The following FICD variants were observed in gnomAD, a reference collection of about 807,000 sequenced individuals.
FICD encodes the protein FIC domain protein adenylyltransferase, also known as protein adenylyltransferase FICD.
A neutral mutation model predicts 28.0 loss-of-function variants in FICD; 13 were observed. The observed-to-expected ratio is 0.46, with a 90% CI of 0.30 to 0.74. The LOEUF (loss-of-function observed/expected upper bound fraction) is 0.74. Among genes scored for constraint, FICD ranks in the 30% least tolerant of loss-of-function variants. The pLI is 0.07. For missense variants in FICD, 576 were observed against 624.5 expected, an observed-to-expected ratio of 0.92 and a Z score of 0.83; for synonymous variants, 268 against 266.4, an observed-to-expected ratio of 1.01 and a Z score of -0.06.
At position 108,518,260 on chromosome 12, in the gene FICD, G is replaced by A. The variant is rs1433004653; in HGVS notation, c.302-140G>A. 2 of 740,156 alleles carry A rather than the reference G, an allele frequency of 2.7e-6. No homozygotes were observed. Among genetic ancestry groups the A allele is most frequent in the Non-Finnish European group, 4.8e-6 (2 of 417,646 alleles). 45.8% of individuals were successfully genotyped at this position (740,156 alleles called of 1,614,324 possible). On this transcript the variant is annotated intron_variant, in intron 2 of 2. Transcript: ENST00000552695. The surrounding 1 kb of genome is among the most constrained non-coding windows in gnomAD (Gnocchi z 4.4). ...GGGCATGTTGAGTACACACGATGCG[G>A]CTGCAACAAGCTCCTCAAGGCCAGG...
chr12:108,518,393 C>G lies in FICD; in HGVS notation c.302-7C>G. 1.2e-6 allele frequency: 2 copies of G among 1,613,296 alleles called. No individual in the cohort carries two copies. The highest frequency in any genetic ancestry group is 1.7e-6 in the Non-Finnish European group (2 of 1,179,330). ...TCCCTCACAGCGCTTCTTTGGCTCT[C>G]TTCCAGCGGGTAAGTTGGAAGCCAG... On this transcript the variant is annotated splice_polypyrimidine_tract_variant and splice_region_variant and intron_variant, in intron 2 of 2. Transcript: ENST00000552695. The surrounding 1 kb of genome is among the most constrained non-coding windows in gnomAD (Gnocchi z 4.4).
rs1212652060 is a variant in FICD, at chr12:108,515,291, A to AGGACCCGGGAGCCGGC, written c.-126_-111dup. ...CGGGGCCAGAGGCCGGCGGAGAAGG[A>AGGACCCGGGAGCCGGC]GGACCCGGGAGCCGGCGGCCCGGAG... On this transcript the variant is annotated 5_prime_UTR_variant, in exon 1 of 3. Coordinates refer to ENST00000552695, the MANE Select transcript of FICD (RefSeq NM_007076.3). The AGGACCCGGGAGCCGGC allele has an allele frequency of 2.0e-5, 3 of 152,484 alleles. No homozygotes were observed. The highest frequency in any genetic ancestry group is 4.8e-5 in the African/African-American group (2 of 41,454). The allele number at this position is 152,484 out of a possible 1,614,324, so 9.4% of individuals were successfully genotyped here. A position where few individuals can be genotyped will look rare whatever the true frequency, so the allele number is the denominator to read the frequency against.
intron 1 of FICD, 85 bp downstream of exon 1, chr12:108,515,446 G>A (rs1871882624): frequency 6.6e-6 from 1 of 152,482 alleles, no homozygotes; most frequent in African/African-American, 2.4e-5. Context: ...CGGGGTTCGG[G>A]AAGGGAGGCT....
At chr12:108,517,524 G>A (rs1871947323) in intron 2 of FICD, 2 of 418,032 alleles carry the variant, frequency 4.8e-6, no homozygotes, top group Admixed American at 4.1e-5. Flanking sequence ...TGTTAAGTAG[G>A]AGTCATCCAG....
At position 108,518,865 on chromosome 12, in the gene FICD, A is replaced by G. The variant is rs1872007384; in HGVS notation, c.767A>G (p.Lys256Arg). 1 of 1,614,200 alleles carries G rather than the reference A, an allele frequency of 6.2e-7. No individual in the cohort carries two copies. The highest frequency in any genetic ancestry group is 8.5e-7 in the Non-Finnish European group (1 of 1,180,036). ...GAGACCCGCTACGCCGTGCCCGGGAAGAGCCTGGAGGAGCAGAACGAGGTC... is the reference window on the plus strand; with the variant it reads ...GAGACCCGCTACGCCGTGCCCGGGAGGAGCCTGGAGGAGCAGAACGAGGTC... Reference protein sequence around the residue: ...ILETRYAVPGKSLEEQNEVIG... With the variant: ...ILETRYAVPGRSLEEQNEVIG... Residue 256 changes from lysine (K) to arginine (R), a missense_variant, in exon 3 of 3, where the codon AAG (lysine) becomes AGG (arginine). Coordinates refer to ENST00000552695, the MANE Select transcript of FICD (RefSeq NM_007076.3). This position sits in a 1 kb window ranked among gnomAD's most constrained non-coding sequence, Gnocchi z 4.4.
rs899391192 is a variant in FICD at position 108,517,056 on chromosome 12, G to T, written c.84G>T (p.Thr28=). 3.8e-6 allele frequency: 6 copies of T among 1,597,218 alleles called. No individual in the cohort carries two copies. In the African/African-American group the frequency reaches 6.7e-5, roughly 18 times the overall value. ...VSVWSRFLWV[T]LLSMVLGSLL... Reference sequence around the variant, plus strand: ...TCTGGAGCCGCTTCCTCTGGGTGACGCTGCTGAGCATGGTGCTGGGGTCCC... The same window carrying T: ...TCTGGAGCCGCTTCCTCTGGGTGACTCTGCTGAGCATGGTGCTGGGGTCCC... Residue 28 remains threonine (T), a synonymous_variant, in exon 2 of 3, where the codon ACG becomes ACT. Transcript: ENST00000552695.
In FICD at chr12:108,517,288, C is replaced by T. The variant is rs1325782435; in HGVS notation, c.301+15C>T. ...GGCCTCTCCAGGTAAGACAGACTGG[C>T]CGTCTTCCTCAATGCTTGTTAACTG... On this transcript the variant is annotated intron_variant, in intron 2 of 2. Transcript: ENST00000552695. 6.7e-7 allele frequency: 1 copy of T among 1,488,742 alleles called. No homozygotes were observed. Among genetic ancestry groups the T allele is most frequent in the South Asian group, 1.4e-5 (1 of 73,886 alleles). The allele number at this position is 1,488,742 out of a possible 1,614,324, so 92.2% of individuals were successfully genotyped here.
Position 108,518,781 on chromosome 12 carries a change from A to ACCAC in FICD, c.684_687dup (p.Thr230ProfsTer130), listed in dbSNP as rs1000962338. 1 of 1,614,144 alleles carries ACCAC rather than the reference A, an allele frequency of 6.2e-7. No individual in the cohort carries two copies. Among genetic ancestry groups the ACCAC allele is most frequent in the Non-Finnish European group, 8.5e-7 (1 of 1,180,016 alleles). ...GAGGAGACCTACTACCATCACATCT[A>ACCAC]CCACACAGTGGCCATCGAGGGCAAC... is the stretch of plus-strand genomic sequence containing the variant. On this transcript the variant is annotated frameshift_variant, in exon 3 of 3. Transcript: ENST00000552695. LOFTEE classifies it high-confidence loss of function. This position sits in a 1 kb window ranked among gnomAD's most constrained non-coding sequence, Gnocchi z 4.4.
intron 2 of FICD, 23 bp downstream of exon 2, chr12:108,517,296 C>T: frequency 6.8e-7 from 1 of 1,478,478 alleles, no homozygotes; most frequent in Non-Finnish European, 9.0e-7. Context: ...GGCCGTCTTC[C>T]TCAATGCTTG....
chr12:108,516,084 A>G (rs1003392665), intron 1 of FICD, among the ~76,000 whole-genome samples: 1 of 152,192 alleles, frequency 6.6e-6, no homozygotes, highest in Non-Finnish European at 1.5e-5. Flanking sequence ...TATTGTTAGC[A>G]TAGTGTTTGC....
intron 2 of FICD, 104 bp downstream of exon 2, chr12:108,517,377 A>T (rs1406153306): frequency 1.1e-6 from 1 of 942,258 alleles, no homozygotes; most frequent in East Asian, 2.9e-5. Context: ...TGAACAAGTC[A>T]GCCCTGAGCT....
chr12:108,520,236 TA>T lies in FICD; in HGVS notation c.*762del, dbSNP rs1565853652. The T allele has an allele frequency of 6.6e-6, 1 of 152,146 alleles. No individual in the cohort carries two copies. The highest frequency in any genetic ancestry group is 1.5e-5 in the Non-Finnish European group (1 of 68,038). 9.4% of individuals were successfully genotyped at this position (152,146 alleles called of 1,614,324 possible). On this transcript the variant is annotated 3_prime_UTR_variant, in exon 3 of 3. Transcript: ENST00000552695. ...CCGCGTTTCTCTCACACTTCATTTG[TA>T]GCAACTCAGGCCAGATGTTTTCGTC... is the stretch of plus-strand genomic sequence containing the variant.
intron 2 of FICD, 155 bp downstream of exon 2, chr12:108,517,428 AG>A (rs1871944767): frequency 1.8e-6 from 1 of 558,920 alleles, no homozygotes. Flanking sequence ...CAGTGTCACA[AG>A]TGTGGTGATG....
intron 1 of FICD, 39 bp from the exon 2 acceptor site, chr12:108,516,876 A>C: frequency 9.6e-7 from 1 of 1,042,920 alleles, no homozygotes; most frequent in Non-Finnish European, 1.4e-6. Context: ...CTATGTCCTG[A>C]ACGTGTCTGT....
intron 1 of FICD, among the ~76,000 whole-genome samples, chr12:108,516,462 A>G (rs1206735551): frequency 2.6e-5 from 4 of 152,216 alleles, no homozygotes; most frequent in African/African-American, 9.6e-5. Flanking sequence ...CCACAGGGAT[A>G]TATGGGAAGG....
At chr12:108,516,682 AGT>A (rs1320816857) in intron 1 of FICD, among the ~76,000 whole-genome samples, 2 of 152,192 alleles carry the variant, frequency 1.3e-5, no homozygotes, top group Non-Finnish European at 2.9e-5. Context: ...GATTATGGCA[AGT>A]GCTCATTAAT....
Position 108,519,664 on chromosome 12 carries a change from A to C in FICD, c.*189A>C. ...CTCTAAAATAACTTATAATTCAACC[A>C]AGCTATTTATTTTCTTCTTTGGAGC... On this transcript the variant is annotated 3_prime_UTR_variant, in exon 3 of 3. Transcript: ENST00000552695. The surrounding 1 kb of genome is among the most constrained non-coding windows in gnomAD (Gnocchi z 4.5). 1.8e-6 allele frequency: 1 copy of C among 543,952 alleles called. No individual in the cohort carries two copies. The highest frequency in any genetic ancestry group is 3.2e-6 in the Non-Finnish European group (1 of 312,366). The allele number at this position is 543,952 out of a possible 1,614,324, so 33.7% of individuals were successfully genotyped here. A position where few individuals can be genotyped will look rare whatever the true frequency, so the allele number is the denominator to read the frequency against.
chr12:108,517,608 TAA>T (rs1363520537), intron 2 of FICD, among the ~76,000 whole-genome samples: 1 of 152,162 alleles, frequency 6.6e-6, no homozygotes, highest in Non-Finnish European at 1.5e-5. Flanking sequence ...ATAACTGTCG[TAA>T]GAGAGCCTGG....
rs769650858 is a variant in FICD at position 108,517,257 on chromosome 12, G to A, written c.285G>A (p.Lys95=). The change falls in exon 2 of 3, where the codon AAG becomes AAA. Residue 95 remains lysine (K), a synonymous_variant. Transcript: ENST00000552695. The part of the protein sequence containing the change: ...TSRGATLLVA[K]TKASPAGKLE... Reference sequence around the variant, plus strand: ...GGGGCGCGACGCTGCTGGTGGCCAAGACCAAGGCCTCTCCAGGTAAGACAG... The same window carrying A: ...GGGGCGCGACGCTGCTGGTGGCCAAAACCAAGGCCTCTCCAGGTAAGACAG... 6.5e-7 allele frequency: 1 copy of A among 1,536,796 alleles called. No individual in the cohort carries two copies. The highest frequency in any genetic ancestry group is 8.8e-7 in the Non-Finnish European group (1 of 1,142,416).
Sources: allele counts gnomAD v4.1 joint callset (sites outside exome capture counted in the v4.1 genomes callset), GRCh38; gene constraint gnomAD v4.1.1; non-coding constraint Gnocchi (gnomAD v3.1); transcripts MANE v1.5; gene names NCBI Gene and HGNC (gene_info 2026-07-23, HGNC 2026-07-21).